Variants in RETREG2 observed in about 807,000 individuals in gnomAD.
The protein encoded by RETREG2 is reticulophagy regulator family member 2, also known as reticulophagy regulator 2.
Under a neutral mutation model 51.6 loss-of-function variants are expected in RETREG2, and 21 were observed. The observed-to-expected ratio is 0.41, with a 90% CI of 0.29 to 0.59. The LOEUF is 0.59. RETREG2 is among the 20% of genes least tolerant of loss of function. RETREG2 has a pLI of 0.34. For missense variants in RETREG2, 674 were observed against 646.0 expected (o/e 1.04, Z -0.47); for synonymous variants, 339 against 288.6 (o/e 1.17, Z -1.77).
At position 219,178,955 on chromosome 2, in the gene RETREG2, C is replaced by T. The variant is rs1393776888; in HGVS notation, c.315C>T (p.Phe105=). ...LLSSSSLRPF[F]LLSVSLLAYF... ...CTTCCTCGTCCCTCCGGCCCTTCTT[C>T]CTACTCAGCGTCTCACTTTTGGCCT... is the stretch of plus-strand genomic sequence containing the variant. Residue 105 remains phenylalanine, a synonymous_variant, in exon 2 of 9, where the codon TTC becomes TTT. Transcript: ENST00000430297. 3 of 1,613,980 alleles carry T rather than the reference C, an allele frequency of 1.9e-6. No homozygotes were observed. Among genetic ancestry groups the T allele is most frequent in the Non-Finnish European group, 2.5e-6 (3 of 1,179,982 alleles).
At chr2:219,181,611 TGTC>T in intron 7 of RETREG2, 26 bp from the exon 8 acceptor site, 1 of 1,612,272 alleles carries the variant, frequency 6.2e-7, no homozygotes, top group Non-Finnish European at 8.5e-7. Flanking sequence ...TCCCCTCACA[TGTC>T]GTGTTCATCC....
Position 219,183,062 on chromosome 2 carries a change from G to A in RETREG2, c.*433G>A, listed in dbSNP as rs1950305671. The stretch of plus-strand genomic sequence containing the variant: ...CACTTTATAATTTTTCTCTTGTCTT[G>A]TGTTCCTTTCTGCTTTATTTCCCTG... On this transcript the variant is annotated 3_prime_UTR_variant, in exon 9 of 9. Transcript: ENST00000430297. 1 of 191,762 alleles carries A rather than the reference G, an allele frequency of 5.2e-6. No individual in the cohort carries two copies. The highest frequency in any genetic ancestry group is 1.1e-5 in the Non-Finnish European group (1 of 90,034). 11.9% of individuals were successfully genotyped at this position (191,762 alleles called of 1,614,324 possible).
chr2:219,179,874 C>T (rs1950252198), intron 3 of RETREG2, 111 bp downstream of exon 3: 4 of 1,310,458 alleles, frequency 3.1e-6, no homozygotes, highest in Admixed American at 1.7e-5. Flanking sequence ...GAACTGGTAA[C>T]AAGCCATGGG....
rs375288240 is a variant in RETREG2, at chr2:219,180,729, A to C, written c.615A>C (p.Pro205=). The C allele has an allele frequency of 3.1e-6, 5 of 1,613,972 alleles. No individual in the cohort carries two copies. The highest frequency in any genetic ancestry group is 4.2e-6 in the Non-Finnish European group (5 of 1,179,982). The change falls in exon 5 of 9, where the codon CCA becomes CCC. Residue 205 remains proline (P), a synonymous_variant. Transcript: ENST00000430297. ...AVLAVLGHYV[P]GIMISYIVLL... ...TGGCTGTGTTGGGACACTATGTTCC[A>C]GGGATTATGATTTCCTACATTGTCT... is the stretch of plus-strand genomic sequence containing the variant.
Position 219,182,233 on chromosome 2 carries a change from C to T in RETREG2, c.1236C>T (p.Phe412=). The T allele has an allele frequency of 6.2e-7, 1 of 1,614,146 alleles. No individual in the cohort carries two copies. Among genetic ancestry groups the T allele is most frequent in the South Asian group, 1.1e-5 (1 of 91,084 alleles). The change falls in exon 9 of 9, where the codon TTC becomes TTT. Residue 412 remains phenylalanine, a synonymous_variant. Coordinates refer to ENST00000430297, the MANE Select transcript of RETREG2 (RefSeq NM_024293.6). The stretch of plus-strand genomic sequence containing the variant: ...CCCTCCACTTTGTGAACACGCACTT[C>T]AATGGGGCAGGGTCCCCCCCAGATG... ...SSPLHFVNTH[F]NGAGSPPDGV...
Position 219,181,376 on chromosome 2 carries a change from G to A in RETREG2, c.792G>A (p.Gln264=), listed in dbSNP as rs138889378. 5.0e-6 allele frequency: 8 copies of A among 1,613,932 alleles called. No homozygotes were observed. In the African/African-American group the frequency reaches 9.3e-5, roughly 19 times the overall value. Residue 264 remains glutamine (Q), a synonymous_variant, in exon 7 of 9, where the codon CAG becomes CAA. Coordinates refer to ENST00000430297, the MANE Select transcript of RETREG2 (RefSeq NM_024293.6). ...CTACTCTTGCTTTTCTAGAGCGTCA[G>A]GGGAAGAATGCACCCCCAGGAGGTG... The part of the protein sequence containing the change: ...LHHKHDKRKR[Q]GKNAPPGGDE...
rs1950334389 is a variant in RETREG2, at chr2:219,185,289, CT to C, written c.*2661del. ...AAAGAAAAAAGCAGAAATGTGAAAC[CT>C]ACAATTAGGCTAAACAAAAATCAAC... On this transcript the variant is annotated 3_prime_UTR_variant, in exon 9 of 9. Coordinates refer to ENST00000430297, the MANE Select transcript of RETREG2 (RefSeq NM_024293.6). The C allele has an allele frequency of 6.6e-6, 1 of 152,050 alleles. No homozygotes were observed. The highest frequency in any genetic ancestry group is 1.5e-5 in the Non-Finnish European group (1 of 68,012). 9.4% of individuals were successfully genotyped at this position (152,050 alleles called of 1,614,324 possible). A position where few individuals can be genotyped will look rare whatever the true frequency, so the allele number is the denominator to read the frequency against.
chr2:219,181,288 C>A, intron 6 of RETREG2, 81 bp from the exon 7 acceptor site: 3 of 1,605,528 alleles, frequency 1.9e-6, no homozygotes, highest in Non-Finnish European at 1.7e-6. Flanking sequence ...GAATTGAGAT[C>A]TTCTCCAGTT....
chr2:219,185,467 CCAAAA>C lies in RETREG2; in HGVS notation c.*2842_*2846del, dbSNP rs1463591693. The C allele has an allele frequency of 2.0e-5, 3 of 151,956 alleles. No homozygotes were observed. The highest frequency in any genetic ancestry group is 2.9e-5 in the Non-Finnish European group (2 of 67,990). The allele number at this position is 151,956 out of a possible 1,614,324, so 9.4% of individuals were successfully genotyped here. A position where few individuals can be genotyped will look rare whatever the true frequency, so the allele number is the denominator to read the frequency against. On this transcript the variant is annotated 3_prime_UTR_variant, in exon 9 of 9. Coordinates refer to ENST00000430297, the MANE Select transcript of RETREG2 (RefSeq NM_024293.6). Reference sequence around the variant, plus strand: ...GGCTGCATTAATAAAAGTGTAGTCTCCAAAACAAGAAATGTGATAATTCTAGTGTC... The same window carrying C: ...GGCTGCATTAATAAAAGTGTAGTCTCCAAGAAATGTGATAATTCTAGTGTC...
At chr2:219,178,708 T>C in intron 1 of RETREG2, 75 bp downstream of exon 1, 1 of 1,391,160 alleles carries the variant, frequency 7.2e-7, no homozygotes. Context: ...TTCCCCTTTC[T>C]GGGTTATCAC....
At chr2:219,180,301 C>T (rs1015859003) in intron 4 of RETREG2, 56 bp downstream of exon 4, 94 of 1,605,832 alleles carry the variant, frequency 5.9e-5, no homozygotes, top group African/African-American at 6.7e-5. Context: ...ATAGAGGTGG[C>T]GGGGGATGGG....
chr2:219,180,155 C>G lies in RETREG2; in HGVS notation c.465C>G (p.Pro155=), dbSNP rs779697549. 3 of 1,614,002 alleles carry G rather than the reference C, an allele frequency of 1.9e-6. No homozygotes were observed. The African/African-American group carries it at 4.0e-5, about 22-fold the overall frequency. ...SGARPHLLSV[P]ELCRYLAESW... The stretch of plus-strand genomic sequence containing the variant: ...CCCGGCCGCACCTGCTGAGTGTGCC[C>G]GAGTTGTGCAGATACCTGGCTGAGA... Residue 155 remains proline (P), a synonymous_variant, in exon 4 of 9, where the codon CCC becomes CCG. Coordinates refer to ENST00000430297, the MANE Select transcript of RETREG2 (RefSeq NM_024293.6).
In RETREG2 at chr2:219,181,789, T is replaced by C; in HGVS notation, c.1015+14T>C. On this transcript the variant is annotated intron_variant, in intron 8 of 8. Coordinates refer to ENST00000430297, the MANE Select transcript of RETREG2 (RefSeq NM_024293.6). ...ATGTCTCCGAGGGTATGGGGAGCCCTTTGCTGCCCTGCTCCCCGCCACAAT... is the reference window on the plus strand; with the variant it reads ...ATGTCTCCGAGGGTATGGGGAGCCCCTTGCTGCCCTGCTCCCCGCCACAAT... The C allele has an allele frequency of 6.2e-7, 1 of 1,609,040 alleles. No individual in the cohort carries two copies. Among genetic ancestry groups the C allele is most frequent in the Non-Finnish European group, 8.5e-7 (1 of 1,176,524 alleles).
Position 219,182,336 on chromosome 2 carries a change from G to T in RETREG2, c.1339G>T (p.Gly447Cys). 1 of 1,613,678 alleles carries T rather than the reference G, an allele frequency of 6.2e-7. No individual in the cohort carries two copies. The highest frequency in any genetic ancestry group is 8.5e-7 in the Non-Finnish European group (1 of 1,179,856). The part of the protein sequence containing the change: ...TVSGGLTALP[G>C]TLSPPLCLVG... The stretch of plus-strand genomic sequence containing the variant: ...GAGTGGTGGCCTCACTGCTCTGCCC[G>T]GCACCCTGTCACCTCCACTTTGCCT... Residue 447 changes from glycine (G) to cysteine (C), a missense_variant, in exon 9 of 9, where the codon GGC (glycine) becomes TGC (cysteine). Physicochemically the swap from Gly to Cys is radical, Grantham distance 159. Coordinates refer to ENST00000430297, the MANE Select transcript of RETREG2 (RefSeq NM_024293.6).
At chr2:219,181,879 G>C (rs1950284406) in intron 8 of RETREG2, 104 bp downstream of exon 8, 2 of 1,556,278 alleles carry the variant, frequency 1.3e-6, no homozygotes, top group East Asian at 4.5e-5. Context: ...AATTCTCTCA[G>C]CTCCTAAAAG....
In RETREG2 at chr2:219,181,355, T is replaced by C. The variant is rs201537685; in HGVS notation, c.785-14T>C. 1 of 1,613,078 alleles carries C rather than the reference T, an allele frequency of 6.2e-7. No individual in the cohort carries two copies. The highest frequency in any genetic ancestry group is 1.3e-5 in the African/African-American group (1 of 74,974). On this transcript the variant is annotated splice_polypyrimidine_tract_variant and intron_variant, in intron 6 of 8. Transcript: ENST00000430297. ...TCATGCTTGGTCATTGCTCTACTACTCTTGCTTTTCTAGAGCGTCAGGGGA... is the reference window on the plus strand; with the variant it reads ...TCATGCTTGGTCATTGCTCTACTACCCTTGCTTTTCTAGAGCGTCAGGGGA...
In RETREG2 at chr2:219,181,761, C is replaced by A. The variant is rs747282285; in HGVS notation, c.1001C>A (p.Thr334Asn). 1.9e-6 allele frequency: 3 copies of A among 1,613,848 alleles called. No individual in the cohort carries two copies. The highest frequency in any genetic ancestry group is 2.5e-6 in the Non-Finnish European group (3 of 1,179,954). Residue 334 changes from threonine (T) to asparagine (N), a missense_variant, in exon 8 of 9, where the codon ACT (threonine) becomes AAT (asparagine). Physicochemically the swap from Thr to Asn is moderately conservative, Grantham distance 65 (BLOSUM62 0). Coordinates refer to ENST00000430297, the MANE Select transcript of RETREG2 (RefSeq NM_024293.6). Reference sequence around the variant, plus strand: ...TCCCGGGCCACAACTCCGCAGCTGACTGATGTCTCCGAGGGTATGGGGAGC... The same window carrying A: ...TCCCGGGCCACAACTCCGCAGCTGAATGATGTCTCCGAGGGTATGGGGAGC... ...SVSRATTPQL[T>N]DVSEDLDQQS...
In RETREG2 at chr2:219,179,923, G is replaced by T. The variant is rs916208136; in HGVS notation, c.419+160G>T. The T allele has an allele frequency of 5.3e-6, 6 of 1,127,014 alleles. No homozygotes were observed. In the African/African-American group the frequency reaches 7.7e-5, roughly 14 times the overall value. 69.8% of individuals were successfully genotyped at this position (1,127,014 alleles called of 1,614,324 possible). On this transcript the variant is annotated intron_variant, in intron 3 of 8. Coordinates refer to ENST00000430297, the MANE Select transcript of RETREG2 (RefSeq NM_024293.6). ...TAGGCTCCTGTGTAGGTGTTTGCGT[G>T]CCTGCTCCTTTTGGGGCAGAGGGTT...
chr2:219,180,818 C>T (rs1450606695), intron 5 of RETREG2, 64 bp downstream of exon 5: 5 of 1,556,302 alleles, frequency 3.2e-6, no homozygotes, highest in South Asian at 1.1e-5. Flanking sequence ...TGGACTGACC[C>T]AGAGGGAAGA....
Sources: gnomAD v4.1 joint callset for allele counts on GRCh38, gnomAD v4.1.1 for gene constraint, MANE v1.5 for transcripts, NCBI Gene and HGNC (gene_info 2026-07-23, HGNC 2026-07-21) for gene names.